The following FAM169A variants were observed in gnomAD, a reference collection of about 807,000 sequenced individuals.
FAM169A encodes family with sequence similarity 169 member A.
In FAM169A, 24 loss-of-function variants were observed where a neutral mutation model predicts 75.7. The observed-to-expected ratio is 0.32, with a 90% CI of 0.23 to 0.45. FAM169A has a LOEUF of 0.45. Ranked by LOEUF, FAM169A falls within the 20% of genes least tolerant of loss-of-function variation. The pLI, the probability that FAM169A is intolerant of heterozygous loss-of-function variation, is 1.00. For missense variants in FAM169A, 673 were observed against 784.0 expected (o/e 0.86, Z 1.69); for synonymous variants, 271 against 271.0 (o/e 1.00, Z 0.00).
chr5:74,838,161 C>T (rs987456072), intron 4 of FAM169A, among the ~76,000 whole-genome samples: 1 of 150,578 alleles, frequency 6.6e-6, no homozygotes, highest in South Asian at 2.1e-4. Context: ...TTAAGGCTCT[C>T]TTTCTTTTAG....
intron 6 of FAM169A, among the ~76,000 whole-genome samples, chr5:74,810,559 C>T (rs915691745): frequency 6.6e-6 from 1 of 151,766 alleles, no homozygotes; most frequent in African/African-American, 2.4e-5. Flanking sequence ...ACCATCCTGG[C>T]TAACACAGTG....
chr5:74,797,364 AC>A, intron 10 of FAM169A, among the ~76,000 whole-genome samples: 1 of 152,274 alleles, frequency 6.6e-6, no homozygotes, highest in South Asian at 2.1e-4. Flanking sequence ...TTTAGTAGTG[AC>A]AGGGTTTTGC....
chr5:74,840,604 C>T (rs970148419), intron 2 of FAM169A, among the ~76,000 whole-genome samples: 1 of 150,482 alleles, frequency 6.6e-6, no homozygotes, highest in South Asian at 2.1e-4. Context: ...CCAAGGCGGG[C>T]GGATCACAAG....
chr5:74,831,534 A>G (rs1342667575), intron 5 of FAM169A, among the ~76,000 whole-genome samples: 1 of 152,040 alleles, frequency 6.6e-6, no homozygotes, highest in Non-Finnish European at 1.5e-5. Context: ...TTTTGGGGGG[A>G]ATGTTGGAAT....
At position 74,841,606 on chromosome 5, in the gene FAM169A, A is replaced by G. The variant is rs1393490643; in HGVS notation, c.71T>C (p.Met24Thr). The G allele has an allele frequency of 4.3e-6, 7 of 1,612,906 alleles. No homozygotes were observed. Among genetic ancestry groups the G allele is most frequent in the African/African-American group, 4.0e-5 (3 of 74,914 alleles). Residue 24 changes from methionine to threonine, a missense_variant, in exon 2 of 13, where the codon ATG becomes ACG. Physicochemically the swap from Met to Thr is moderately conservative, Grantham distance 81 (BLOSUM62 -1). Around this residue, in one of 3 missense-constraint regions of FAM169A, gnomAD observed 56 missense variants for 52.2 expected, o/e 1.07. Transcript: ENST00000687041. Reference protein sequence around the residue: ...EELENSAEDYMSDLRCGDPEN... With the variant: ...EELENSAEDYTSDLRCGDPEN... ...AGGGTCCCCACACCTTAAATCTGAC[A>G]TGTAATCTTCAGCAGAATTTTCCAA...
chr5:74,860,447 T>C (rs117231399), intron 1 of FAM169A, among the ~76,000 whole-genome samples: 2 of 152,290 alleles, frequency 1.3e-5, no homozygotes, highest in East Asian at 3.9e-4. Context: ...ACTCATAAGA[T>C]CTCCAATAAC....
At chr5:74,834,895 CCAT>C (rs1225513687) in intron 4 of FAM169A, among the ~76,000 whole-genome samples, 2 of 151,976 alleles carry the variant, frequency 1.3e-5, no homozygotes, top group Non-Finnish European at 2.9e-5. Flanking sequence ...TCAGCACTCA[CCAT>C]CTTCTTTCTG....
At position 74,800,963 on chromosome 5, in the gene FAM169A, CT is replaced by C; in HGVS notation, c.1019del (p.Lys340SerfsTer27). The C allele has an allele frequency of 6.4e-7, 1 of 1,562,554 alleles. No individual in the cohort carries two copies. The highest frequency in any genetic ancestry group is 8.7e-7 in the Non-Finnish European group (1 of 1,153,764). Reference protein sequence around the residue: ...SGNLKRPKIGKRFQDSEFSSS... With the variant: ...SGNLKRPKIGXRFQDSEFSSS... ...TGCTAAATTCAGAATCCTGAAACCG[CT>C]TTCCAATCTTTGGCCGCTTTAGATT... On this transcript the variant is annotated frameshift_variant, in exon 10 of 13. Transcript: ENST00000687041. LOFTEE classifies it high-confidence loss of function.
intron 5 of FAM169A, among the ~76,000 whole-genome samples, chr5:74,826,551 C>T (rs891780454): frequency 2.6e-5 from 4 of 152,198 alleles, no homozygotes; most frequent in Non-Finnish European, 5.9e-5. Flanking sequence ...CATATATTCA[C>T]ACATCCTTGT....
intron 10 of FAM169A, among the ~76,000 whole-genome samples, chr5:74,798,755 T>C (rs952116590): frequency 1.3e-5 from 2 of 152,198 alleles, no homozygotes; most frequent in African/African-American, 4.8e-5. Context: ...GAGACTCAAG[T>C]GTTCTGTTGA....
intron 11 of FAM169A, among the ~76,000 whole-genome samples, chr5:74,786,819 G>A (rs908325972): frequency 3.9e-5 from 6 of 152,152 alleles, no homozygotes; most frequent in Non-Finnish European, 5.9e-5. Flanking sequence ...GCACAGCCTC[G>A]CCAGGTGTCT....
chr5:74,810,644 G>A lies in FAM169A; in HGVS notation c.670+3196C>T, dbSNP rs543875218. The stretch of plus-strand genomic sequence containing the variant: ...GGGCACCTGTAGTCCCAGCTACTCG[G>A]GAGGCTGAGGCAGGAGAATGGTGTG... On this transcript the variant is annotated intron_variant, in intron 6 of 12. Coordinates refer to ENST00000687041, the MANE Select transcript of FAM169A (RefSeq NM_001376049.1). Among the ~76,000 whole-genome samples the A allele has an allele frequency of 2.0e-5, 3 of 151,174 alleles. No individual in the cohort carries two copies. In the East Asian group the frequency reaches 6.0e-4, roughly 30 times the overall value.
intron 9 of FAM169A, 48 bp from the exon 10 acceptor site, chr5:74,801,078 A>C (rs1173462890): frequency 7.2e-7 from 1 of 1,385,126 alleles, no homozygotes; most frequent in African/African-American, 1.5e-5. Context: ...ATATATTAAA[A>C]GGACTACCTA....
rs376073899 is a variant in FAM169A, at chr5:74,818,797, CTCTCTCTATATA to C, written c.491-4790_491-4779del. Among the ~76,000 whole-genome samples, 1,290 of 136,274 alleles carry C rather than the reference CTCTCTCTATATA, an allele frequency of 9.5e-3. 18 individuals are homozygous for C. The highest frequency in any genetic ancestry group is 0.037 in the African/African-American group (1,210 of 32,516). 89.4% of individuals were successfully genotyped at this position (136,274 alleles called of 152,430 possible). ...TCTCTCTCTCTCTCTCTCTCTCTCTCTCTCTCTATATATATATATATATATATGTCAAAGCAC... is the reference window on the plus strand; with the variant it reads ...TCTCTCTCTCTCTCTCTCTCTCTCTCTATATATATATATATGTCAAAGCAC... On this transcript the variant is annotated intron_variant, in intron 5 of 12. Transcript: ENST00000687041.
rs572941704 is a variant in FAM169A at position 74,780,438 on chromosome 5, G to A, written c.*1022C>T. On this transcript the variant is annotated 3_prime_UTR_variant, in exon 13 of 13. Coordinates refer to ENST00000687041, the MANE Select transcript of FAM169A (RefSeq NM_001376049.1). ...TTGGAGAATCACTCCATGAGTTACAGAAGTAGATGAAAGCTGTGGGGGAAT... is the reference window on the plus strand; with the variant it reads ...TTGGAGAATCACTCCATGAGTTACAAAAGTAGATGAAAGCTGTGGGGGAAT... 6.6e-6 allele frequency: 1 copy of A among 152,368 alleles called. No homozygotes were observed. The highest frequency in any genetic ancestry group is 2.4e-5 in the African/African-American group (1 of 41,582). 9.4% of individuals were successfully genotyped at this position (152,368 alleles called of 1,614,324 possible). A position where few individuals can be genotyped will look rare whatever the true frequency, so the allele number is the denominator to read the frequency against.
chr5:74,841,384 A>C (rs1748853932), intron 2 of FAM169A, among the ~76,000 whole-genome samples, 161 bp downstream of exon 2: 1 of 152,226 alleles, frequency 6.6e-6, no homozygotes, highest in South Asian at 2.1e-4. Context: ...CTCTTTTTAA[A>C]AACTGATCAA....
chr5:74,834,517 C>A lies in FAM169A; in HGVS notation c.399G>T (p.Glu133Asp). Residue 133 changes from glutamate to aspartate, a missense_variant, in exon 5 of 13, where the codon GAG becomes GAT. Glu to Asp is a conservative substitution (Grantham distance 45). Around this residue, in one of 3 missense-constraint regions of FAM169A, gnomAD observed 107 missense variants for 180.8 expected, o/e 0.59. Transcript: ENST00000687041. ...IYRKQEMERN[E>D]IPFLCHSSTD... is the part of the protein sequence containing the mutation. Reference sequence around the variant, plus strand: ...TACTGCTATGACACAGGAATGGGATCTCATTTCTCTCCATTTCCTGTTTTC... The same window carrying A: ...TACTGCTATGACACAGGAATGGGATATCATTTCTCTCCATTTCCTGTTTTC... The A allele has an allele frequency of 6.2e-7, 1 of 1,604,226 alleles. No homozygotes were observed. The highest frequency in any genetic ancestry group is 1.1e-5 in the South Asian group (1 of 89,134).
chr5:74,809,333 GC>G (rs1747047142), intron 6 of FAM169A, among the ~76,000 whole-genome samples: 1 of 152,134 alleles, frequency 6.6e-6, no homozygotes, highest in Non-Finnish European at 1.5e-5. Flanking sequence ...GGTGGCTCAC[GC>G]CTGTAATCTC....
intron 10 of FAM169A, among the ~76,000 whole-genome samples, chr5:74,796,425 A>C (rs1389501154): frequency 6.8e-6 from 1 of 147,534 alleles, no homozygotes; most frequent in Non-Finnish European, 1.5e-5. Context: ...TTTTTTTCCG[A>C]GATAAAGTCT....
Sources: allele counts gnomAD v4.1 joint callset (sites outside exome capture counted in the v4.1 genomes callset), GRCh38; gene constraint gnomAD v4.1.1; regional missense constraint gnomAD v4.1.1; transcripts MANE v1.5; gene names NCBI Gene and HGNC (gene_info 2026-07-23, HGNC 2026-07-21).